The following HK1 variants were observed in gnomAD, a reference collection of about 807,000 sequenced individuals.
HK1 encodes the protein hexokinase 1, also known as hexokinase-1.
In HK1, 28 loss-of-function variants were observed where a neutral mutation model predicts 91.6. The ratio of observed to expected loss-of-function variants is 0.31; its 90% CI spans 0.23 to 0.42. The LOEUF (loss-of-function observed/expected upper bound fraction) is 0.42, where lower values mean the gene tolerates loss of function less well. HK1 is among the 10% of genes least tolerant of loss of function. The pLI is 1.00. For missense variants in HK1, 770 were observed against 1,219.8 expected (o/e 0.63, Z 5.49); for synonymous variants, 430 against 468.1 (o/e 0.92, Z 1.05).
chr10:69,320,540 T>G (rs922819693), intron 1 of HK1, among the ~76,000 whole-genome samples: 5 of 152,138 alleles, frequency 3.3e-5, no homozygotes, highest in Admixed American at 6.5e-5. Flanking sequence ...TCTAGTGGTG[T>G]TGTGCATCAC....
At chr10:69,318,210 G>A (rs971644935), upstream of HK1, 1 of 985,346 alleles carries the variant, frequency 1.0e-6, no homozygotes, top group Middle Eastern at 5.2e-4. Context: ...CCGGGGAGAG[G>A]TGATGCACTG....
In HK1 at chr10:69,348,034, C is replaced by T. The variant is rs1382836408; in HGVS notation, c.226+4045C>T. 2.6e-5 allele frequency among the ~76,000 whole-genome samples: 4 copies of T among 152,122 alleles called. No homozygotes were observed. The East Asian group carries it at 7.7e-4, about 29-fold the overall frequency. ...CTCTGTGCCCAGCCTCCCCCATTCG[C>T]GAAGTGTCCCTTTTTTCTCCTTTTC... On this transcript the variant is annotated intron_variant, in intron 2 of 17. Coordinates refer to ENST00000359426, the MANE Select transcript of HK1 (RefSeq NM_000188.3).
rs1564573755 is a variant in HK1, at chr10:69,398,803, G to A, written c.2584G>A (p.Gly862Arg). 2 of 1,613,122 alleles carry A rather than the reference G, an allele frequency of 1.2e-6. No homozygotes were observed. Among genetic ancestry groups the A allele is most frequent in the East Asian group, 2.2e-5 (1 of 44,864 alleles). Residue 862 changes from glycine (G) to arginine (R), a missense_variant, in exon 17 of 18, where the codon GGG (glycine) becomes AGG (arginine). Around this residue, in one of 7 missense-constraint regions of HK1, gnomAD observed 78 missense variants for 99.0 expected, o/e 0.79. Transcript: ENST00000359426. ...DRLNVTVGVD[G>R]TLYKLHPHFS... ...TCTGAATGTGACTGTGGGAGTGGACGGGACACTCTACAAGCTTCATCCACA... is the reference window on the plus strand; with the variant it reads ...TCTGAATGTGACTGTGGGAGTGGACAGGACACTCTACAAGCTTCATCCACA...
chr10:69,340,138 T>C (rs1208455642), intron 1 of HK1, among the ~76,000 whole-genome samples: 1 of 152,230 alleles, frequency 6.6e-6, no homozygotes, highest in Non-Finnish European at 1.5e-5. Context: ...TCACGCAGTA[T>C]CATAGGAGAT....
At chr10:69,313,380 C>T (rs10823340), upstream of HK1, among the ~76,000 whole-genome samples, 51,349 of 152,022 alleles carry the variant, frequency 0.34, 9,606 homozygotes, top group East Asian at 0.73. Context: ...GCCATGATGA[C>T]CACGTTGCCA....
chr10:69,401,259 G>T lies in HK1; in HGVS notation c.*124G>T. 9.3e-7 allele frequency: 1 copy of T among 1,078,328 alleles called. No homozygotes were observed. Among genetic ancestry groups the T allele is most frequent in the South Asian group, 1.3e-5 (1 of 74,418 alleles). The allele number at this position is 1,078,328 out of a possible 1,614,324, so 66.8% of individuals were successfully genotyped here. ...AGGGCCTGCCGGCGCGGGGAGGAAA[G>T]CAAAATCCAACTAATGGTATATATT... On this transcript the variant is annotated 3_prime_UTR_variant, in exon 18 of 18. Coordinates refer to ENST00000359426, the MANE Select transcript of HK1 (RefSeq NM_000188.3).
Position 69,293,859 on chromosome 10 carries a change from T to C in HK1, c.-114-1774T>C, listed in dbSNP as rs201132889. The stretch of plus-strand genomic sequence containing the variant: ...GAAGCACAAGCATATTTCTTTCTTT[T>C]TTTTTTTTTTTTTTTTTTTTGAGAC... On this transcript the variant is annotated intron_variant, in intron 3 of 21. Coordinates refer to the HK1 transcript ENST00000360289. Among the ~76,000 whole-genome samples the C allele has an allele frequency of 4.9e-3, 398 of 81,328 alleles. 2 individuals carry two copies. The highest frequency in any genetic ancestry group is 0.013 in the African/African-American group (316 of 24,272). 53.4% of individuals were successfully genotyped at this position (81,328 alleles called of 152,430 possible). A position where few individuals can be genotyped will look rare whatever the true frequency, so the allele number is the denominator to read the frequency against.
intron 1 of HK1, among the ~76,000 whole-genome samples, chr10:69,326,237 A>G (rs1459634159): frequency 2.6e-5 from 4 of 151,842 alleles, no homozygotes; most frequent in Non-Finnish European, 1.5e-5. Flanking sequence ...AGATTACACT[A>G]TAAATGTTTC....
At chr10:69,387,535 C>T (rs542087309) in intron 13 of HK1, among the ~76,000 whole-genome samples, 6 of 80,260 alleles carry the variant, frequency 7.5e-5, no homozygotes, top group African/African-American at 1.9e-4. Context: ...AATCTGCTCG[C>T]CTTGGCCTCC....
intron 7 of HK1, among the ~76,000 whole-genome samples, chr10:69,375,364 G>A (rs535356662): frequency 6.6e-6 from 1 of 152,262 alleles, no homozygotes; most frequent in East Asian, 1.9e-4. Flanking sequence ...GCTCAGTAGT[G>A]GCTCTGCCAG....
chr10:69,315,227 C>T (rs1374521263), upstream of HK1, among the ~76,000 whole-genome samples: 3 of 152,224 alleles, frequency 2.0e-5, no homozygotes, highest in Non-Finnish European at 4.4e-5. Flanking sequence ...GTAAACATTG[C>T]TATTCAGAGT....
chr10:69,275,246 C>G (rs61868716), intron 1 of HK1, among the ~76,000 whole-genome samples: 2 of 149,644 alleles, frequency 1.3e-5, no homozygotes, highest in Non-Finnish European at 3.0e-5. Flanking sequence ...TAAGGCCGGG[C>G]ACGGTGGCTC....
chr10:69,352,708 A>T (rs1451176586), intron 2 of HK1, among the ~76,000 whole-genome samples: 1 of 152,132 alleles, frequency 6.6e-6, no homozygotes, highest in African/African-American at 2.4e-5. Flanking sequence ...GGTTGCTGGG[A>T]GATAGGGAGG....
rs140284427 is a variant in HK1 at position 69,399,645 on chromosome 10, TG to T, written c.2609+819del. Among the ~76,000 whole-genome samples the T allele has an allele frequency of 8.1e-3, 1,230 of 152,264 alleles. 21 individuals are homozygous for T. Among genetic ancestry groups the T allele is most frequent in the African/African-American group, 0.028 (1,163 of 41,530 alleles). ...GGAGGGGTAGGGAGTGGCCTCCCTC[TG>T]GTCAGGCATCTGACCCCCCATGCCA... On this transcript the variant is annotated intron_variant, in intron 17 of 17. Transcript: ENST00000359426.
chr10:69,297,319 G>A lies in HK1; in HGVS notation c.-67+1639G>A, dbSNP rs146249680. Among the ~76,000 whole-genome samples the A allele has an allele frequency of 3.0e-3, 451 of 152,246 alleles. 1 individual carries two copies. The highest frequency in any genetic ancestry group is 0.01 in the African/African-American group (428 of 41,546). ...TCTTCATCCTTGTAGTCTTCACTTT[G>A]TGTAGGCTGAGGAGGAGGTAGAGGA... On this transcript the variant is annotated intron_variant, in intron 4 of 21. Coordinates refer to the HK1 transcript ENST00000360289.
chr10:69,344,001 A>T lies in HK1; in HGVS notation c.226+12A>T. On this transcript the variant is annotated intron_variant, in intron 2 of 17. Coordinates refer to ENST00000359426, the MANE Select transcript of HK1 (RefSeq NM_000188.3). ...TCCTGATGGCTCTGGTAAGTCTGTC[A>T]CCCAGAGATTGAACCCTGAGGGCTA... 1 of 1,613,368 alleles carries T rather than the reference A, an allele frequency of 6.2e-7. No individual in the cohort carries two copies.
At chr10:69,287,381 C>T (rs2132449486) in intron 2 of HK1, among the ~76,000 whole-genome samples, 1 of 152,306 alleles carries the variant, frequency 6.6e-6, no homozygotes, top group Middle Eastern at 3.4e-3. Flanking sequence ...ACTCCTTCCA[C>T]CTGGTCTCTC....
rs10578071 is a variant in HK1 at position 69,338,680 on chromosome 10, A to AGT, written c.64-5118_64-5117dup. 6.4e-4 allele frequency: 754 copies of AGT among 1,169,112 alleles called. 3 individuals carry two copies. The African/African-American group carries it at 7.5e-3, about 12-fold the overall frequency. 72.4% of individuals were successfully genotyped at this position (1,169,112 alleles called of 1,614,324 possible). On this transcript the variant is annotated intron_variant, in intron 1 of 17. Coordinates refer to ENST00000359426, the MANE Select transcript of HK1 (RefSeq NM_000188.3). Reference sequence around the variant, plus strand: ...AAGGGGACAGGATTATGGAGATGTGAGTGTGTGTGTGTGTGTGTGTGTGTG... The same window carrying AGT: ...AAGGGGACAGGATTATGGAGATGTGAGTGTGTGTGTGTGTGTGTGTGTGTGTG...
intron 2 of HK1, among the ~76,000 whole-genome samples, chr10:69,288,118 C>T (rs1845120222): frequency 6.6e-6 from 1 of 152,200 alleles, no homozygotes; most frequent in Non-Finnish European, 1.5e-5. Flanking sequence ...GGCACCACTG[C>T]ACTCCAACCT....
Sources: gnomAD v4.1 joint callset for allele counts (sites outside exome capture counted in the v4.1 genomes callset) on GRCh38, gnomAD v4.1.1 for gene constraint, gnomAD v4.1.1 regional missense constraint, MANE v1.5 for transcripts, NCBI Gene and HGNC (gene_info 2026-07-23, HGNC 2026-07-21) for gene names.